The following PALD1 variants were observed in gnomAD, a reference collection of about 807,000 sequenced individuals.
The protein encoded by PALD1 is paladin.
A neutral mutation model predicts 96.0 loss-of-function variants in PALD1; 57 were observed. That is an observed-to-expected ratio of 0.59 (90% confidence interval 0.48 to 0.74). PALD1 has a LOEUF of 0.74. Among genes scored for constraint, PALD1 ranks in the 30% least tolerant of loss-of-function variants. The pLI is 0.00. For missense variants in PALD1, 1,063 were observed against 1,143.7 expected (o/e 0.93, Z 1.02); for synonymous variants, 464 against 473.6 (o/e 0.98, Z 0.26).
At chr10:70,514,352 T>C (rs1364044218) in intron 1 of PALD1, among the ~76,000 whole-genome samples, 1 of 152,272 alleles carries the variant, frequency 6.6e-6, no homozygotes, top group Non-Finnish European at 1.5e-5. Flanking sequence ...CTCTAATTTC[T>C]GTTTTTAACT....
chr10:70,550,935 T>C (rs976305149), intron 18 of PALD1, among the ~76,000 whole-genome samples: 9 of 152,256 alleles, frequency 5.9e-5, no homozygotes, highest in African/African-American at 2.2e-4. Flanking sequence ...TGAAAATTCA[T>C]GTACAAGTTT....
chr10:70,485,558 C>T (rs1846004948), intron 1 of PALD1, among the ~76,000 whole-genome samples: 1 of 152,128 alleles, frequency 6.6e-6, no homozygotes, highest in East Asian at 1.9e-4. Flanking sequence ...TACAAGTGTG[C>T]ACCACCACAC....
intron 10 of PALD1, among the ~76,000 whole-genome samples, chr10:70,535,540 TTCC>T (rs1344163321): frequency 7.3e-6 from 1 of 137,508 alleles, no homozygotes; most frequent in Non-Finnish European, 1.6e-5. Flanking sequence ...CTCCTCTTCT[TTCC>T]TCCTCCTCCT....
At chr10:70,530,369 C>T (rs1846967861) in intron 4 of PALD1, among the ~76,000 whole-genome samples, 1 of 152,334 alleles carries the variant, frequency 6.6e-6, no homozygotes, top group Non-Finnish European at 1.5e-5. Context: ...GAGGAGCCAG[C>T]TCATAATTTG....
At chr10:70,461,412 GA>G in the PALD1 span, among the ~76,000 whole-genome samples, 1 of 152,234 alleles carries the variant, frequency 6.6e-6, no homozygotes, top group Non-Finnish European at 1.5e-5. Flanking sequence ...ACCCCCACCA[GA>G]TGGCAAGCTC....
chr10:70,505,821 G>C (rs1846376430), intron 1 of PALD1, among the ~76,000 whole-genome samples: 1 of 151,674 alleles, frequency 6.6e-6, no homozygotes. Context: ...AGGAGTTGGA[G>C]ACCATCCTGG....
chr10:70,461,105 T>C, the PALD1 span, among the ~76,000 whole-genome samples: 99 of 152,364 alleles, frequency 6.5e-4, no homozygotes, highest in African/African-American at 2.2e-3. Flanking sequence ...CCTGCGGGCC[T>C]CAGCCCTCTG....
intron 18 of PALD1, among the ~76,000 whole-genome samples, chr10:70,556,279 C>CCTCTCTCTCTCTCTCTCTCTCT (rs112574716): frequency 4.7e-5 from 6 of 128,648 alleles, no homozygotes; most frequent in African/African-American, 1.7e-4. Context: ...GTAGCCGAGA[C>CCTCTCTCTCTCTCTCTCTCTCT]CTCTCTCTCT....
chr10:70,566,642 G>A lies in PALD1; in HGVS notation c.2480G>A (p.Ser827Asn), dbSNP rs1847861898. 1 of 1,609,570 alleles carries A rather than the reference G, an allele frequency of 6.2e-7. No individual in the cohort carries two copies. The highest frequency in any genetic ancestry group is 8.5e-7 in the Non-Finnish European group (1 of 1,177,968). Residue 827 changes from serine to asparagine, a missense_variant, in exon 20 of 20, where the codon AGC becomes AAC. Ser to Asn is a conservative substitution (Grantham distance 46). Coordinates refer to ENST00000263563, the MANE Select transcript of PALD1 (RefSeq NM_014431.3). ...LNELGFPELE[S>N]GEDQPFSRLR... is the part of the protein sequence containing the mutation. ...GAGCTGGGCTTCCCCGAGCTGGAGA[G>A]CGGGGAGGACCAGCCCTTCTCCAGG...
intron 1 of PALD1, among the ~76,000 whole-genome samples, chr10:70,501,834 T>TGTGTGTGTGTGCGCGC (rs774868338): frequency 1.3e-5 from 2 of 149,500 alleles, no homozygotes; most frequent in East Asian, 3.9e-4. Flanking sequence ...TGTGTGTGTG[T>TGTGTGTGTGTGCGCGC]GCGTGCGTGC....
At chr10:70,552,701 G>A (rs996097120) in intron 18 of PALD1, among the ~76,000 whole-genome samples, 6 of 152,130 alleles carry the variant, frequency 3.9e-5, no homozygotes, top group Non-Finnish European at 7.4e-5. Flanking sequence ...TTTAAAGAAG[G>A]CAGTCACACC....
intron 1 of PALD1, among the ~76,000 whole-genome samples, chr10:70,524,186 A>G (rs1846804148): frequency 6.6e-6 from 1 of 150,754 alleles, no homozygotes; most frequent in Non-Finnish European, 1.5e-5. Flanking sequence ...CTTATTGTCC[A>G]AGGATGCTTA....
intron 10 of PALD1, 78 bp from the exon 11 acceptor site, chr10:70,537,733 C>A: frequency 1.1e-6 from 1 of 945,456 alleles, no homozygotes; most frequent in Non-Finnish European, 1.7e-6. Flanking sequence ...CAAGGCTTAA[C>A]TCCTGCCCTT....
chr10:70,526,080 G>A lies in PALD1; in HGVS notation c.129G>A (p.Leu43=). ...VSIHSFQSTS[L]HNSKAKSIIP... is the part of the protein sequence containing the mutation. The stretch of plus-strand genomic sequence containing the variant: ...TCCACTCCTTCCAGAGCACTAGCTT[G>A]CATAACAGCAAGGCCAAGTCCATCA... Residue 43 remains leucine (L), a synonymous_variant, in exon 2 of 20, where the codon TTG becomes TTA. Transcript: ENST00000263563. 1 of 1,614,220 alleles carries A rather than the reference G, an allele frequency of 6.2e-7. No individual in the cohort carries two copies. Among genetic ancestry groups the A allele is most frequent in the Non-Finnish European group, 8.5e-7 (1 of 1,180,034 alleles).
intron 18 of PALD1, among the ~76,000 whole-genome samples, chr10:70,554,915 TCCTCCCCTCCCCCTCCTC>T (rs1847563256): frequency 9.1e-5 from 1 of 10,952 alleles, no homozygotes; most frequent in African/African-American, 4.1e-4. Context: ...CCCTCCCCTC[TCCTCCCCTCCCCCTCCTC>T]CCCCTCCCCT....
chr10:70,513,037 C>T (rs955517267), intron 1 of PALD1, among the ~76,000 whole-genome samples: 6 of 152,226 alleles, frequency 3.9e-5, no homozygotes, highest in Non-Finnish European at 5.9e-5. Context: ...GGCCACAAGC[C>T]GTCTCCCTCC....
At chr10:70,545,376 C>T (rs373680228) in intron 17 of PALD1, among the ~76,000 whole-genome samples, 13 of 151,340 alleles carry the variant, frequency 8.6e-5, no homozygotes, top group South Asian at 2.1e-4. Flanking sequence ...AGAGGGAGGG[C>T]GGGGAGGAGG....
At chr10:70,503,176 A>G (rs940378942) in intron 1 of PALD1, among the ~76,000 whole-genome samples, 1 of 152,098 alleles carries the variant, frequency 6.6e-6, no homozygotes, top group Non-Finnish European at 1.5e-5. Flanking sequence ...CACCATGCCC[A>G]GCCGATTTCT....
At position 70,566,586 on chromosome 10, in the gene PALD1, A is replaced by T; in HGVS notation, c.2424A>T (p.Ala808=). 1 of 1,608,630 alleles carries T rather than the reference A, an allele frequency of 6.2e-7. No homozygotes were observed. Among genetic ancestry groups the T allele is most frequent in the Non-Finnish European group, 8.5e-7 (1 of 1,177,808 alleles). Residue 808 remains alanine (A), a synonymous_variant, in exon 20 of 20, where the codon GCA becomes GCT. Coordinates refer to ENST00000263563, the MANE Select transcript of PALD1 (RefSeq NM_014431.3). ...TGCCTCTGCTCTCCTCCCAGGTGGC[A>T]TCGAAGGCTGGCATCTACGAGATCC... ...RPFSTWMQEV[A]SKAGIYEILN...
Sources: gnomAD v4.1 joint callset for allele counts (sites outside exome capture counted in the v4.1 genomes callset) on GRCh38, gnomAD v4.1.1 for gene constraint, MANE v1.5 for transcripts, NCBI Gene and HGNC (gene_info 2026-07-23, HGNC 2026-07-21) for gene names.